Variants in NES observed in about 807,000 individuals in gnomAD.
NES encodes nestin.
Under a neutral mutation model 35.6 loss-of-function variants are expected in NES, and 27 were observed. The observed-to-expected ratio is 0.76, with a 90% CI of 0.56 to 1.04. The LOEUF is 1.04. Among genes scored for constraint, NES ranks in the 50% least tolerant of loss-of-function variants. The probability of loss-of-function intolerance (pLI) is 0.00; values close to 1 mark genes in which losing one functional copy is unlikely to be tolerated. For missense variants in NES, 1,867 were observed against 1,983.6 expected, an observed-to-expected ratio of 0.94 and a Z score of 1.12; for synonymous variants, 822 against 824.2, an observed-to-expected ratio of 1.00 and a Z score of 0.04.
intron 3 of NES, 57 bp from the exon 4 acceptor site, chr1:156,673,262 C>T: frequency 1.4e-6 from 2 of 1,395,930 alleles, no homozygotes; most frequent in Non-Finnish European, 1.9e-6. Context: ...ATGAGGGGAG[C>T]CACAGAGCAG....
chr1:156,674,574 A>T (rs908774468), intron 2 of NES, among the ~76,000 whole-genome samples: 1 of 152,204 alleles, frequency 6.6e-6, no homozygotes, highest in African/African-American at 2.4e-5. Context: ...CCCAGAAGAG[A>T]CTGCGGGCTT....
At position 156,672,478 on chromosome 1, in the gene NES, C is replaced by G; in HGVS notation, c.1710G>C (p.Arg570Ser). 1.2e-6 allele frequency: 2 copies of G among 1,612,412 alleles called. No homozygotes were observed. The highest frequency in any genetic ancestry group is 1.7e-6 in the Non-Finnish European group (2 of 1,179,446). Residue 570 changes from arginine to serine, a missense_variant, in exon 4 of 4, where the codon AGG becomes AGC. Coordinates refer to ENST00000368223, the MANE Select transcript of NES (RefSeq NM_006617.2). ...AAGACCTCGGACATTCTTGATTCTC[C>G]CTTTCTAGTGTCTCATGGCTCTGGT... Reference protein sequence around the residue: ...LENQSHETLERENQECPRSLE... With the variant: ...LENQSHETLESENQECPRSLE...
intron 2 of NES, 85 bp downstream of exon 2, chr1:156,675,119 GCCATCACCTACA>G: frequency 1.4e-6 from 2 of 1,451,930 alleles, no homozygotes; most frequent in Non-Finnish European, 1.9e-6. Flanking sequence ...CAGCAGAGTT[GCCATCACCTACA>G]CCTCTGGTCC....
chr1:156,670,309 C>G lies in NES; in HGVS notation c.3879G>C (p.Glu1293Asp). 1 of 1,611,574 alleles carries G rather than the reference C, an allele frequency of 6.2e-7. No individual in the cohort carries two copies. Among genetic ancestry groups the G allele is most frequent in the South Asian group, 1.1e-5 (1 of 90,796 alleles). ...REESEEDELG[E>D]TLPDSTPLGF... ...CCAGGGGAGTGGAGTCTGGAAGGGT[C>G]TCCCCGAGCTCATCCTCCTCGCTCT... Residue 1293 changes from glutamate to aspartate, a missense_variant, in exon 4 of 4, where the codon GAG becomes GAC. Physicochemically the swap from Glu to Asp is conservative, Grantham distance 45. Transcript: ENST00000368223.
At chr1:156,675,710 A>G (rs1242008397) in intron 1 of NES, among the ~76,000 whole-genome samples, 1 of 152,166 alleles carries the variant, frequency 6.6e-6, no homozygotes, top group Admixed American at 6.5e-5. Context: ...AGCAGAAGGA[A>G]AAACGATTAA....
rs2282442 is a variant in NES at position 156,672,871 on chromosome 1, G to A, written c.1317C>T (p.Ser439=). ...CAGGCTCCTCTGGTCCAGGCAGGAC[G>A]CTGGCAGGAATGGCCACCCTGGCTT... is the stretch of plus-strand genomic sequence containing the variant. The part of the protein sequence containing the change: ...RAEARVAIPA[S]VLPGPEEPGG... The change falls in exon 4 of 4, where the codon AGC becomes AGT. Residue 439 remains serine (S), a synonymous_variant. Transcript: ENST00000368223. 7.5e-3 allele frequency: 12,040 copies of A among 1,613,848 alleles called. 921 individuals carry two copies. The Admixed American group carries it at 0.15, about 21-fold the overall frequency.
Position 156,677,115 on chromosome 1 carries a change from G to A in NES, c.150C>T (p.Thr50=), listed in dbSNP as rs769385047. The A allele has an allele frequency of 1.9e-6, 3 of 1,606,746 alleles. No homozygotes were observed. The highest frequency in any genetic ancestry group is 8.5e-7 in the Non-Finnish European group (1 of 1,177,480). The part of the protein sequence containing the change: ...LGGLRAQSAD[T]SWRAHADDEL... ...CGTCGTCGGCATGCGCCCGCCAGGA[G>A]GTGTCCGCGGATTGTGCCCGGAGCC... Residue 50 remains threonine (T), a synonymous_variant, in exon 1 of 4, where the codon ACC becomes ACT. Coordinates refer to ENST00000368223, the MANE Select transcript of NES (RefSeq NM_006617.2). This position sits in a 1 kb window ranked among gnomAD's most constrained non-coding sequence, Gnocchi z 4.5.
rs1226381166 is a variant in NES, at chr1:156,676,880, G to T, written c.385C>A (p.Gln129Lys). 6.5e-7 allele frequency: 1 copy of T among 1,536,796 alleles called. No homozygotes were observed. Residue 129 changes from glutamine to lysine, a missense_variant, in exon 1 of 4, where the codon CAG becomes AAG. Coordinates refer to ENST00000368223, the MANE Select transcript of NES (RefSeq NM_006617.2). The surrounding 1 kb of genome is among the most constrained non-coding windows in gnomAD (Gnocchi z 5.3). ...EKCARAWLSS[Q>K]VAELERELEA... Reference sequence around the variant, plus strand: ...AGCTCGCGCTCCAGCTCTGCCACCTGGCTACTCAGCCAGGCCCGGGCGCAT... The same window carrying T: ...AGCTCGCGCTCCAGCTCTGCCACCTTGCTACTCAGCCAGGCCCGGGCGCAT...
chr1:156,672,168 T>G lies in NES; in HGVS notation c.2020A>C (p.Asn674His), dbSNP rs368544455. ...LESLTALEKE[N>H]QEPLRSPEVG... ...TCTGGAGATCTCAGTGGCTCTTGAT[T>G]CTCCTTTTCCAGAGCTGTCAATGAC... Residue 674 changes from asparagine to histidine, a missense_variant, in exon 4 of 4, where the codon AAT becomes CAT. Asn to His is a moderately conservative substitution (Grantham distance 68). Coordinates refer to ENST00000368223, the MANE Select transcript of NES (RefSeq NM_006617.2). 9 of 1,611,398 alleles carry G rather than the reference T, an allele frequency of 5.6e-6. No homozygotes were observed. In the African/African-American group the frequency reaches 1.2e-4, roughly 22 times the overall value.
Position 156,671,291 on chromosome 1 carries a change from G to A in NES, c.2897C>T (p.Pro966Leu). The A allele has an allele frequency of 6.2e-7, 1 of 1,614,114 alleles. No individual in the cohort carries two copies. Among genetic ancestry groups the A allele is most frequent in the African/African-American group, 1.3e-5 (1 of 75,048 alleles). Residue 966 changes from proline (P) to leucine (L), a missense_variant, in exon 4 of 4, where the codon CCT becomes CTT. Physicochemically the swap from Pro to Leu is moderately conservative, Grantham distance 98. Coordinates refer to ENST00000368223, the MANE Select transcript of NES (RefSeq NM_006617.2). ...EKDQELAQES[P>L]PGMAGVENED... ...ATTTTCCACTCCAGCCATCCCAGGA[G>A]GGCTTTCCTGAGCCAGTTCTTGGTC...
rs1362374648 is a variant in NES, at chr1:156,669,587, C to T, written c.4601G>A (p.Gly1534Asp). 1 of 1,614,114 alleles carries T rather than the reference C, an allele frequency of 6.2e-7. No individual in the cohort carries two copies. The highest frequency in any genetic ancestry group is 1.7e-5 in the Admixed American group (1 of 60,020). Residue 1534 changes from glycine to aspartate, a missense_variant, in exon 4 of 4, where the codon GGT becomes GAT. By Grantham distance (94) the Gly-to-Asp change is moderately conservative. Transcript: ENST00000368223. ...CAAGTTGGGACCCTGGCCATTAACA[C>T]CAATGATGTCTGCCCCTGGGCCTGC... is the stretch of plus-strand genomic sequence containing the variant. ...EDAGPGADII[G>D]VNGQGPNLEG...
chr1:156,670,781 C>A lies in NES; in HGVS notation c.3407G>T (p.Gly1136Val). 6 of 1,614,132 alleles carry A rather than the reference C, an allele frequency of 3.7e-6. No individual in the cohort carries two copies. Among genetic ancestry groups the A allele is most frequent in the Non-Finnish European group, 3.4e-6 (4 of 1,179,988 alleles). Residue 1136 changes from glycine to valine, a missense_variant, in exon 4 of 4, where the codon GGC becomes GTC. By Grantham distance (109) the Gly-to-Val change is moderately radical. Transcript: ENST00000368223. ...TAGGTCCTTTCTAGGCCCTTCCAAG[C>A]CCTGAACCCTCTTTGCCTCCAAACT... ...EESLEAKRVQGLEGPRKDLEE... is the reference protein window; with the variant it reads ...EESLEAKRVQVLEGPRKDLEE...
rs1310913486 is a variant in NES, at chr1:156,669,649, G to A, written c.4539C>T (p.Val1513=). The change falls in exon 4 of 4, where the codon GTC becomes GTT. Residue 1513 remains valine (V), a synonymous_variant. Coordinates refer to ENST00000368223, the MANE Select transcript of NES (RefSeq NM_006617.2). ...CACTGGGGATCTCTAGAGGGCCAGG[G>A]ACTTTGTCCTCCCTCTCCAAGGAAA... ...DPVSLEREDK[V]PGPLEIPSGM... is the part of the protein sequence containing the mutation. The A allele has an allele frequency of 1.2e-6, 2 of 1,613,958 alleles. No individual in the cohort carries two copies. Among genetic ancestry groups the A allele is most frequent in the Non-Finnish European group, 1.7e-6 (2 of 1,179,984 alleles).
In NES at chr1:156,671,248, C is replaced by T. The variant is rs776930000; in HGVS notation, c.2940G>A (p.Leu980=). 1 of 1,614,166 alleles carries T rather than the reference C, an allele frequency of 6.2e-7. No homozygotes were observed. The highest frequency in any genetic ancestry group is 1.1e-5 in the South Asian group (1 of 91,082). Residue 980 remains leucine, a synonymous_variant, in exon 4 of 4, where the codon CTG becomes CTA. Transcript: ENST00000368223. ...TGAAGCCATCCTGCTCCCTCAGATT[C>T]AGCTCTGCCTCATCCTCATTTTCCA... The part of the protein sequence containing the change: ...AGVENEDEAE[L]NLREQDGFTG...
intron 2 of NES, among the ~76,000 whole-genome samples, chr1:156,673,797 A>C (rs1679787013): frequency 6.6e-6 from 1 of 150,386 alleles, no homozygotes; most frequent in Admixed American, 7.3e-5. Flanking sequence ...ACAGTCGGAC[A>C]TTGCCCTACA....
Position 156,671,398 on chromosome 1 carries a change from C to T in NES, c.2790G>A (p.Glu930=). 9 of 1,614,056 alleles carry T rather than the reference C, an allele frequency of 5.6e-6. No homozygotes were observed. The highest frequency in any genetic ancestry group is 6.8e-6 in the Non-Finnish European group (8 of 1,180,042). ...CCTCCTCCTCCAGAGACCTCAGTGA[C>T]TCTTGGTACTCTCCCTTTCCCAGGT... The part of the protein sequence containing the change: ...EENLGKGEYQ[E]SLRSLEEEGQ... The change falls in exon 4 of 4, where the codon GAG becomes GAA. Residue 930 remains glutamate, a synonymous_variant. Coordinates refer to ENST00000368223, the MANE Select transcript of NES (RefSeq NM_006617.2).
In NES at chr1:156,672,736, G is replaced by A. The variant is rs759838022; in HGVS notation, c.1452C>T (p.Ser484=). ...ATATGCTGAACACTCTAGACCCACC[G>A]GATTCTCCATCCTTAGCCTCTAAAC... ...HSSLEAKDGE[S]GGSRVFSICR... Residue 484 remains serine, a synonymous_variant, in exon 4 of 4, where the codon TCC becomes TCT. Coordinates refer to ENST00000368223, the MANE Select transcript of NES (RefSeq NM_006617.2). The A allele has an allele frequency of 1.6e-5, 26 of 1,613,338 alleles. No individual in the cohort carries two copies. The highest frequency in any genetic ancestry group is 1.6e-4 in the Middle Eastern group (1 of 6,084).
intron 2 of NES, among the ~76,000 whole-genome samples, chr1:156,674,821 A>C (rs910037668): frequency 6.6e-6 from 1 of 152,104 alleles, no homozygotes; most frequent in Non-Finnish European, 1.5e-5. Context: ...CAGCCACCCC[A>C]TGCCTGCAAT....
chr1:156,670,522 G>A lies in NES; in HGVS notation c.3666C>T (p.Ser1222=). The A allele has an allele frequency of 2.5e-6, 4 of 1,604,490 alleles. No individual in the cohort carries two copies. The highest frequency in any genetic ancestry group is 3.4e-6 in the Non-Finnish European group (4 of 1,173,568). The change falls in exon 4 of 4, where the codon AGC becomes AGT. Residue 1222 remains serine (S), a synonymous_variant. Coordinates refer to ENST00000368223, the MANE Select transcript of NES (RefSeq NM_006617.2). The stretch of plus-strand genomic sequence containing the variant: ...CTTCCAGGATCGGGGTGTACGTTGG[G>A]CTGGGGGAGACCAGCACTGGTGGTA... ...EDVPPVLVSP[S]PTYTPILEDA... is the part of the protein sequence containing the mutation.
Sources: allele counts gnomAD v4.1 joint callset (sites outside exome capture counted in the v4.1 genomes callset), GRCh38; gene constraint gnomAD v4.1.1; non-coding constraint Gnocchi (gnomAD v3.1); transcripts MANE v1.5; gene names NCBI Gene and HGNC (gene_info 2026-07-23, HGNC 2026-07-21).